PRSS23: variants seen among roughly 807,000 people sequenced by gnomAD.
PRSS23 encodes the protein serine protease 23.
Under a neutral mutation model 34.7 loss-of-function variants are expected in PRSS23, and 25 were observed. The observed-to-expected ratio is 0.72, with a 90% CI of 0.53 to 1.01. The LOEUF (loss-of-function observed/expected upper bound fraction) is 1.01, where lower values mean the gene tolerates loss of function less well. Among genes scored for constraint, PRSS23 ranks in the 50% least tolerant of loss-of-function variants. PRSS23 has a pLI of 0.00. For missense variants in PRSS23, 445 were observed against 475.6 expected (o/e 0.94, Z 0.60); for synonymous variants, 176 against 186.6 (o/e 0.94, Z 0.46).
intron 2 of PRSS23, among the ~76,000 whole-genome samples, chr11:86,921,072 C>T (rs746918311): frequency 1.1e-4 from 16 of 152,186 alleles, no homozygotes; most frequent in Non-Finnish European, 1.8e-4. Flanking sequence ...CCTCCTACTC[C>T]GTTCAACATT....
chr11:86,908,949 G>A (rs976632559), intron 2 of PRSS23: 5 of 149,532 alleles, frequency 3.3e-5, no homozygotes, highest in African/African-American at 1.2e-4. Context: ...CAAGTGATTC[G>A]TATGTGCCTT....
At chr11:86,800,852 C>T (rs1948028057) in intron 1 of PRSS23, among the ~76,000 whole-genome samples, 1 of 152,120 alleles carries the variant, frequency 6.6e-6, no homozygotes, top group Non-Finnish European at 1.5e-5. Context: ...ACGGCGGGGG[C>T]TGCAGGTCAT....
intron 1 of PRSS23, among the ~76,000 whole-genome samples, chr11:86,792,011 A>G (rs1227608748): frequency 6.6e-6 from 1 of 152,214 alleles, no homozygotes; most frequent in South Asian, 2.1e-4. Flanking sequence ...ATCTCCTTAC[A>G]GCCCTGTGAG....
At chr11:86,837,758 C>A in intron 2 of PRSS23, 1 of 152,208 alleles carries the variant, frequency 6.6e-6, no homozygotes, top group Middle Eastern at 3.1e-3. Context: ...CAGAGCGAGA[C>A]TCCATCTCAA....
intron 2 of PRSS23, among the ~76,000 whole-genome samples, chr11:86,897,401 T>G (rs977983929): frequency 6.6e-6 from 1 of 152,044 alleles, no homozygotes. Flanking sequence ...CCACCATGCC[T>G]GGCCAACATA....
At position 86,924,812 on chromosome 11, in the gene PRSS23, C is replaced by T. The variant is rs533806115; in HGVS notation, c.207-26404C>T. ...CGGTTCAGTATGGCTTCCTTTCCTC[C>T]AAGAGCCCAGCTTATTTCCACAGCT... On this transcript the variant is annotated intron_variant, in intron 2 of 2. Transcript: ENST00000533902. Among the ~76,000 whole-genome samples, 22 of 152,292 alleles carry T rather than the reference C, an allele frequency of 1.4e-4. No homozygotes were observed. The South Asian group carries it at 4.6e-3, about 32-fold the overall frequency.
intron 2 of PRSS23, among the ~76,000 whole-genome samples, chr11:86,835,963 C>T (rs960994009): frequency 6.6e-6 from 1 of 152,104 alleles, no homozygotes; most frequent in African/African-American, 2.4e-5. Context: ...ATCCCTGAAC[C>T]CTTTCGGTAA....
intron 2 of PRSS23, among the ~76,000 whole-genome samples, chr11:86,842,461 G>A (rs61906682): frequency 6.6e-6 from 1 of 152,098 alleles, no homozygotes; most frequent in Non-Finnish European, 1.5e-5. Context: ...AGAAATAAAG[G>A]GTATTCAATT....
chr11:86,911,517 C>G (rs948983062), intron 2 of PRSS23: 1 of 152,122 alleles, frequency 6.6e-6, no homozygotes, highest in East Asian at 1.9e-4. Flanking sequence ...ATATTTCCAT[C>G]TTTATGTGCA....
At chr11:86,801,964 T>C (rs762970822) in intron 1 of PRSS23, among the ~76,000 whole-genome samples, 4 of 152,248 alleles carry the variant, frequency 2.6e-5, no homozygotes, top group Admixed American at 2.0e-4. Flanking sequence ...GTGCCTAATA[T>C]GGATCTCATT....
In PRSS23 at chr11:86,820,779, G is replaced by A. The variant is rs548022693; in HGVS notation, c.-11-2598G>A. Among the ~76,000 whole-genome samples, 66 of 152,134 alleles carry A rather than the reference G, an allele frequency of 4.3e-4. No individual in the cohort carries two copies. The South Asian group carries it at 0.013, about 30-fold the overall frequency. The stretch of plus-strand genomic sequence containing the variant: ...AAACATTTCTACCTCTTTAGTAAAG[G>A]GCTTGTGTGAAACCTCAAGCTCTCG... On this transcript the variant is annotated intron_variant, in intron 1 of 2. Transcript: ENST00000533902.
intron 2 of PRSS23, among the ~76,000 whole-genome samples, chr11:86,865,243 A>G (rs538555112): frequency 1.3e-5 from 2 of 152,218 alleles, no homozygotes; most frequent in Non-Finnish European, 2.9e-5. Context: ...TGAGGTTTCA[A>G]TTCCCAGTTC....
At chr11:86,938,863 A>G (rs1453922712) in intron 2 of PRSS23, among the ~76,000 whole-genome samples, 4 of 152,194 alleles carry the variant, frequency 2.6e-5, no homozygotes, top group African/African-American at 9.7e-5. Context: ...CAGAAACGAC[A>G]GGCAGTCAGC....
chr11:86,864,438 G>A (rs1238981876), intron 2 of PRSS23, among the ~76,000 whole-genome samples: 4 of 152,342 alleles, frequency 2.6e-5, no homozygotes, highest in African/African-American at 7.2e-5. Context: ...GAAGGACCAC[G>A]TAGTCATGCC....
chr11:86,862,581 T>G (rs1467098091), intron 2 of PRSS23, among the ~76,000 whole-genome samples: 1 of 151,866 alleles, frequency 6.6e-6, no homozygotes, highest in Non-Finnish European at 1.5e-5. Context: ...AGAATGCTAC[T>G]CCTAATGTCA....
chr11:86,827,281 A>G (rs1263876870), intron 2 of PRSS23, among the ~76,000 whole-genome samples: 2 of 152,196 alleles, frequency 1.3e-5, no homozygotes, highest in Non-Finnish European at 2.9e-5. Context: ...TTATTTGCGT[A>G]GAGATGTTTG....
chr11:86,918,350 T>C (rs1207943620), intron 2 of PRSS23, among the ~76,000 whole-genome samples: 1 of 152,178 alleles, frequency 6.6e-6, no homozygotes, highest in African/African-American at 2.4e-5. Context: ...TATTTGAAGA[T>C]TTTAAATCAA....
chr11:86,950,445 T>A (rs895229078), intron 2 of PRSS23: 2 of 152,716 alleles, frequency 1.3e-5, no homozygotes, highest in Admixed American at 6.5e-5. Context: ...AAGAGAGATG[T>A]TGAAATTTAA....
chr11:86,847,756 C>A (rs531497006), intron 2 of PRSS23, among the ~76,000 whole-genome samples: 1 of 152,202 alleles, frequency 6.6e-6, no homozygotes, highest in Non-Finnish European at 1.5e-5. Context: ...AAACTTGGCC[C>A]CCTGAGGGAT....
Sources: gnomAD v4.1 joint callset for allele counts (sites outside exome capture counted in the v4.1 genomes callset) on GRCh38, gnomAD v4.1.1 for gene constraint, MANE v1.5 for transcripts, NCBI Gene and HGNC (gene_info 2026-07-23, HGNC 2026-07-21) for gene names.